Variants in CNNM2 observed in about 807,000 individuals in gnomAD.
CNNM2 encodes the protein cyclin and CBS domain divalent metal cation transport mediator 2.
A neutral mutation model predicts 66.9 loss-of-function variants in CNNM2; 12 were observed. That is an observed-to-expected ratio of 0.18 (90% CI 0.11 to 0.29). The LOEUF is 0.29. Among genes scored for constraint, CNNM2 ranks in the 10% least tolerant of loss-of-function variants. The pLI, the probability that CNNM2 is intolerant of heterozygous loss-of-function variation, is 1.00. For synonymous variants in CNNM2, 557 were observed against 501.8 expected (o/e 1.11, Z -1.47); for missense variants, 705 against 1,167.7 (o/e 0.60, Z 5.77).
chr10:103,032,763 T>C (rs749588628), intron 1 of CNNM2, among the ~76,000 whole-genome samples: 16 of 151,336 alleles, frequency 1.1e-4, no homozygotes, highest in Non-Finnish European at 1.6e-4. Flanking sequence ...GTGGATATTG[T>C]AGAATTTACT....
intron 1 of CNNM2, among the ~76,000 whole-genome samples, chr10:102,967,939 C>T (rs563213418): frequency 2.0e-5 from 3 of 152,228 alleles, no homozygotes; most frequent in Admixed American, 6.5e-5. Flanking sequence ...ACCTGGGAGG[C>T]GGAGGTGGCA....
At chr10:103,068,887 G>GT (rs1172768805) in intron 5 of CNNM2, among the ~76,000 whole-genome samples, 165 bp downstream of exon 5, 3 of 152,172 alleles carry the variant, frequency 2.0e-5, no homozygotes, top group African/African-American at 7.2e-5. Flanking sequence ...CAAATCCTAA[G>GT]TATATACCTC....
At chr10:103,010,029 A>C (rs1410512201) in intron 1 of CNNM2, among the ~76,000 whole-genome samples, 1 of 152,162 alleles carries the variant, frequency 6.6e-6, no homozygotes, top group Non-Finnish European at 1.5e-5. Context: ...TATCATGTCA[A>C]ATAATGGTAG....
chr10:103,051,268 T>G (rs889700133), intron 2 of CNNM2, among the ~76,000 whole-genome samples: 1 of 151,570 alleles, frequency 6.6e-6, no homozygotes, highest in African/African-American at 2.4e-5. Flanking sequence ...CCGTCTCTAC[T>G]AAAAATACAA....
chr10:102,995,762 T>C (rs1377393499), intron 1 of CNNM2, among the ~76,000 whole-genome samples: 1 of 152,110 alleles, frequency 6.6e-6, no homozygotes, highest in Non-Finnish European at 1.5e-5. Flanking sequence ...GTTTCACTCT[T>C]GTTGCCCAGG....
intron 1 of CNNM2, among the ~76,000 whole-genome samples, chr10:103,043,616 T>A (rs1180136272): frequency 6.6e-6 from 1 of 152,198 alleles, no homozygotes; most frequent in Non-Finnish European, 1.5e-5. Flanking sequence ...AATAATAAAC[T>A]TTAATTTGTG....
chr10:103,040,966 G>T (rs1452914294), intron 1 of CNNM2, among the ~76,000 whole-genome samples: 2 of 152,094 alleles, frequency 1.3e-5, no homozygotes, highest in African/African-American at 2.4e-5. Context: ...AAGTTGTGCT[G>T]TCCCCCAGTT....
intron 1 of CNNM2, among the ~76,000 whole-genome samples, chr10:102,995,171 CCCTCTTCCTCCT>C: frequency 5.1e-4 from 1 of 1,956 alleles, no homozygotes; most frequent in East Asian, 0.017. Context: ...CTCCTCCTCC[CCCTCTTCCTCCT>C]CCTCCCCCTC....
At chr10:103,025,053 A>T (rs2064672880) in intron 1 of CNNM2, among the ~76,000 whole-genome samples, 1 of 152,132 alleles carries the variant, frequency 6.6e-6, no homozygotes, top group African/African-American at 2.4e-5. Context: ...TCACTTGATT[A>T]AGGTAGTGAC....
chr10:103,086,614 T>C lies in CNNM2; in HGVS notation c.*9434T>C, dbSNP rs2065815359. 6.6e-6 allele frequency: 1 copy of C among 152,206 alleles called. No homozygotes were observed. The highest frequency in any genetic ancestry group is 1.9e-4 in the East Asian group (1 of 5,202). The allele number at this position is 152,206 out of a possible 1,614,324, so 9.4% of individuals were successfully genotyped here. ...AAATACCTAAACATGGACAAAATAC[T>C]TCTAAATCTGACATGCAACTGCATG... On this transcript the variant is annotated 3_prime_UTR_variant, in exon 8 of 8. Coordinates refer to ENST00000369878, the MANE Select transcript of CNNM2 (RefSeq NM_017649.5).
In CNNM2 at chr10:103,078,994, G is replaced by C. The variant is rs917172977; in HGVS notation, c.*1814G>C. ...CTCAGAAGGTGCCGTGTCCCTTAGT[G>C]GGGGGAAGTACTGATCTCACTTGGT... On this transcript the variant is annotated 3_prime_UTR_variant, in exon 8 of 8. Coordinates refer to ENST00000369878, the MANE Select transcript of CNNM2 (RefSeq NM_017649.5). 2 of 152,298 alleles carry C rather than the reference G, an allele frequency of 1.3e-5. No homozygotes were observed. The highest frequency in any genetic ancestry group is 1.3e-4 in the Admixed American group (2 of 15,280). 9.4% of individuals were successfully genotyped at this position (152,298 alleles called of 1,614,324 possible).
At chr10:103,012,661 TA>T (rs59895631) in intron 1 of CNNM2, among the ~76,000 whole-genome samples, 1 of 148,974 alleles carries the variant, frequency 6.7e-6, no homozygotes, top group African/African-American at 2.5e-5. Context: ...TTTTTTTTTT[TA>T]AAGACAAATT....
chr10:102,997,122 TTC>T (rs1395485322), intron 1 of CNNM2, among the ~76,000 whole-genome samples: 4 of 152,212 alleles, frequency 2.6e-5, no homozygotes, highest in African/African-American at 9.6e-5. Context: ...AAAGGATACT[TTC>T]TGAGTCCTTT....
At chr10:102,982,109 G>GA (rs2063729381) in intron 1 of CNNM2, among the ~76,000 whole-genome samples, 1 of 152,140 alleles carries the variant, frequency 6.6e-6, no homozygotes, top group South Asian at 2.1e-4. Flanking sequence ...AATGTGCAGA[G>GA]AAAAAATTTA....
chr10:103,047,602 G>A (rs1478400799), intron 1 of CNNM2, among the ~76,000 whole-genome samples: 2 of 152,174 alleles, frequency 1.3e-5, no homozygotes, highest in Non-Finnish European at 2.9e-5. Flanking sequence ...AGGGTTTATA[G>A]GAACTCTCTG....
rs34245839 is a variant in CNNM2 at position 103,061,866 on chromosome 10, T to TAA, written c.2073+4910_2073+4911dup. On this transcript the variant is annotated intron_variant, in intron 4 of 7. Transcript: ENST00000369878. Reference sequence around the variant, plus strand: ...TATGTCACATTAATTGGGAAAGTAGTAAAAAAAAATGATATTTATATCAGT... The same window carrying TAA: ...TATGTCACATTAATTGGGAAAGTAGTAAAAAAAAAAATGATATTTATATCAGT... 0.016 allele frequency among the ~76,000 whole-genome samples: 2,461 copies of TAA among 151,376 alleles called. 77 individuals carry two copies. The highest frequency in any genetic ancestry group is 0.055 in the African/African-American group (2,265 of 41,270).
chr10:102,989,535 A>C (rs1361550280), intron 1 of CNNM2, among the ~76,000 whole-genome samples: 1 of 151,542 alleles, frequency 6.6e-6, no homozygotes, highest in Non-Finnish European at 1.5e-5. Context: ...GGGCATGGTG[A>C]CTCATGCCTG....
intron 3 of CNNM2, among the ~76,000 whole-genome samples, chr10:103,056,012 C>T (rs1439628111): frequency 9.3e-5 from 14 of 151,260 alleles, no homozygotes; most frequent in Admixed American, 7.2e-4. Flanking sequence ...CACTTGAACC[C>T]GGGAGGTGGC....
intron 4 of CNNM2, 125 bp downstream of exon 4, chr10:103,057,089 A>G (rs2065307561): frequency 2.3e-6 from 2 of 861,036 alleles, no homozygotes; most frequent in Non-Finnish European, 3.6e-6. Flanking sequence ...TAGACATGGG[A>G]GAATTTTATC....
Sources: gnomAD v4.1 joint callset for allele counts (sites outside exome capture counted in the v4.1 genomes callset) on GRCh38, gnomAD v4.1.1 for gene constraint, MANE v1.5 for transcripts, NCBI Gene and HGNC (gene_info 2026-07-23, HGNC 2026-07-21) for gene names.